Variants in TAF1 observed in about 807,000 individuals in gnomAD.
The protein encoded by TAF1 is transcription initiation factor TFIID subunit 1.
Under a neutral mutation model 138.5 loss-of-function variants are expected in TAF1, and 2 were observed. The ratio of observed to expected loss-of-function variants is 0.01; its 90% CI spans 0.01 to 0.05. TAF1 has a LOEUF of 0.05. TAF1 is among the 10% of genes least tolerant of loss of function. TAF1 has a pLI of 1.00. For missense variants in TAF1, 709 were observed against 1,478.0 expected (o/e 0.48, Z 8.53); for synonymous variants, 437 against 503.2 (o/e 0.87, Z 1.76).
intron 13 of TAF1, among the ~76,000 whole-genome samples, chrX:71,471,080 G>C (rs2038874857): frequency 9.2e-6 from 1 of 108,384 alleles, no homozygotes; most frequent in Non-Finnish European, 1.9e-5. Context: ...CACTTTGGGA[G>C]GCCGAGGCGG....
chrX:71,446,615 G>A (rs1302071267), intron 32 of TAF1, among the ~76,000 whole-genome samples: 1 of 112,128 alleles, frequency 8.9e-6, no homozygotes, highest in Non-Finnish European at 1.9e-5. Context: ...TCTAGTTGTA[G>A]AGATAATGAG....
chrX:71,400,061 G>T (rs755605028), intron 24 of TAF1, among the ~76,000 whole-genome samples: 2 of 107,038 alleles, frequency 1.9e-5, no homozygotes, highest in Non-Finnish European at 3.9e-5. Flanking sequence ...TTTTCTAGGA[G>T]TTGAGATAGG....
At chrX:71,506,757 G>A (rs1046622106) in intron 13 of TAF1, among the ~76,000 whole-genome samples, 4 of 109,542 alleles carry the variant, frequency 3.7e-5, no homozygotes, top group Non-Finnish European at 5.7e-5. Context: ...TGTTTCTACC[G>A]AAAAGAATTG....
intron 13 of TAF1, among the ~76,000 whole-genome samples, chrX:71,517,986 G>A (rs915013265): frequency 1.8e-5 from 2 of 109,877 alleles, no homozygotes; most frequent in African/African-American, 3.3e-5. Flanking sequence ...AATTAAGACT[G>A]GGCACAGTAG....
intron 32 of TAF1, among the ~76,000 whole-genome samples, chrX:71,450,033 A>G (rs2037883894): frequency 8.9e-6 from 1 of 111,933 alleles, no homozygotes; most frequent in African/African-American, 3.2e-5. Context: ...CAGCCTCCCA[A>G]AGTGCTGGGA....
chrX:71,392,266 G>T (rs931725372), intron 18 of TAF1, among the ~76,000 whole-genome samples: 2 of 111,427 alleles, frequency 1.8e-5, no homozygotes, highest in Non-Finnish European at 1.9e-5. Context: ...GAAGCCCAAG[G>T]GATAAGGGGC....
chrX:71,460,578 T>C, intron 36 of TAF1, 48 bp from the exon 37 acceptor site: 1 of 1,183,983 alleles, frequency 8.4e-7, no homozygotes, highest in Non-Finnish European at 1.1e-6. Context: ...TCAAGTTAAA[T>C]CTGTCAAGCT....
chrX:71,424,657 T>C (rs747289881), intron 32 of TAF1, among the ~76,000 whole-genome samples: 4 of 111,926 alleles, frequency 3.6e-5, no homozygotes, highest in Non-Finnish European at 3.8e-5. Flanking sequence ...AGTTTCACTC[T>C]TGTTGCCCAG....
At chrX:71,419,231 G>A (rs1325366219) in intron 28 of TAF1, among the ~76,000 whole-genome samples, 2 of 110,298 alleles carry the variant, frequency 1.8e-5, no homozygotes, top group Non-Finnish European at 3.8e-5. Context: ...TCTTTTTATT[G>A]TATTTTCAAA....
intron 13 of TAF1, among the ~76,000 whole-genome samples, chrX:71,508,274 G>GT (rs1471502989): frequency 9.2e-6 from 1 of 108,903 alleles, no homozygotes; most frequent in Non-Finnish European, 1.9e-5. Context: ...CAGCCTGCGG[G>GT]TGTTTTAAAG....
At chrX:71,404,262 G>A (rs1448306570) in intron 25 of TAF1, among the ~76,000 whole-genome samples, 1 of 110,082 alleles carries the variant, frequency 9.1e-6, no homozygotes, top group Non-Finnish European at 1.9e-5. Context: ...GTGAGCCACC[G>A]CGCCCAGCCT....
chrX:71,380,215 T>C (rs1330067199), intron 8 of TAF1, among the ~76,000 whole-genome samples: 1 of 110,772 alleles, frequency 9.0e-6, no homozygotes, highest in Admixed American at 9.7e-5. Context: ...TTTTCTCTCT[T>C]TCATTTTTTA....
chrX:71,527,777 G>C (rs1361502807), intron 13 of TAF1: 1 of 134,867 alleles, frequency 7.4e-6, no homozygotes, highest in Non-Finnish European at 1.6e-5. Context: ...TCTTTTTCTT[G>C]ATTCCAAAGT....
chrX:71,378,488 G>A, intron 7 of TAF1, 35 bp downstream of exon 7: 1 of 1,191,994 alleles, frequency 8.4e-7, no homozygotes, highest in Non-Finnish European at 1.1e-6. Flanking sequence ...AGGAATCAAT[G>A]TACTCAGGTC....
intron 9 of TAF1, 27 bp from the exon 10 acceptor site, chrX:71,382,509 C>G: frequency 8.3e-7 from 1 of 1,198,889 alleles, no homozygotes; most frequent in Non-Finnish European, 1.1e-6. Flanking sequence ...GGGAGAGCAA[C>G]TCAAGTGATT....
chrX:71,420,136 G>A, intron 28 of TAF1: 8 of 494,279 alleles, frequency 1.6e-5, no homozygotes, highest in South Asian at 7.3e-5. Flanking sequence ...ACGTGACCCC[G>A]GGGCCTGCTG....
At chrX:71,407,501 A>T in intron 26 of TAF1, 73 bp from the exon 27 acceptor site, 1 of 968,864 alleles carries the variant, frequency 1.0e-6, no homozygotes, top group Admixed American at 2.3e-5. Context: ...TACAGGTGTG[A>T]GCTACTGTGC....
chrX:71,490,607 A>G (rs1202441765), intron 13 of TAF1, among the ~76,000 whole-genome samples: 1 of 111,449 alleles, frequency 9.0e-6, no homozygotes, highest in African/African-American at 3.3e-5. Flanking sequence ...TTGACAAATT[A>G]TACTACAAAG....
Position 71,512,205 on chromosome X carries a change from C to T in TAF1, c.1367-16337C>T, listed in dbSNP as rs1029514616. Among the ~76,000 whole-genome samples the T allele has an allele frequency of 4.5e-5, 5 of 111,104 alleles. 1 individual carries two copies. Among genetic ancestry groups the T allele is most frequent in the African/African-American group, 1.6e-4 (5 of 30,532 alleles). ...TGGCTGGCGCCTGTAGTCTGAGCTA[C>T]TCAGGAGGCCGAGGCAAGAGAATGG... is the stretch of plus-strand genomic sequence containing the variant. On this transcript the variant is annotated intron_variant and NMD_transcript_variant, in intron 13 of 14. Coordinates refer to the TAF1 transcript ENST00000373775.
Sources: gnomAD v4.1 joint callset for allele counts (sites outside exome capture counted in the v4.1 genomes callset) on GRCh38, gnomAD v4.1.1 for gene constraint, MANE v1.5 for transcripts, NCBI Gene and HGNC (gene_info 2026-07-23, HGNC 2026-07-21) for gene names.